The following KLHL1 variants were observed in gnomAD, a reference collection of about 807,000 sequenced individuals.
The protein encoded by KLHL1 is kelch like family member 1, also known as kelch-like protein 1.
KLHL1 carries 47 observed loss-of-function variants against 77.7 expected under a neutral mutation model. The observed-to-expected ratio is 0.60, with a 90% CI of 0.48 to 0.77. The LOEUF (loss-of-function observed/expected upper bound fraction) is 0.77, where lower values mean the gene tolerates loss of function less well. Ranked by LOEUF, KLHL1 falls within the 30% of genes least tolerant of loss-of-function variation. The pLI is 0.00. For missense variants in KLHL1, 925 were observed against 910.8 expected, an observed-to-expected ratio of 1.02 and a Z score of -0.20; for synonymous variants, 360 against 325.2, an observed-to-expected ratio of 1.11 and a Z score of -1.15.
Position 69,988,546 on chromosome 13 carries a change from G to T in KLHL1, c.498-12744C>A, listed in dbSNP as rs761273697. On this transcript the variant is annotated intron_variant, in intron 1 of 10. Transcript: ENST00000377844. ...TTGAGGAATCACCACACTGTCTTCC[G>T]CAACAGATGAAGTAATTTACACTCT... Among the ~76,000 whole-genome samples, 45 of 151,976 alleles carry T rather than the reference G, an allele frequency of 3.0e-4. 1 individual carries two copies. Among genetic ancestry groups the T allele is most frequent in the Non-Finnish European group, 5.9e-4 (40 of 67,974 alleles).
At chr13:69,935,222 T>TACATAGTTCACCCACTGGTGAACTTGGC (rs1883145310) in intron 4 of KLHL1, among the ~76,000 whole-genome samples, 1 of 149,892 alleles carries the variant, frequency 6.7e-6, no homozygotes, top group African/African-American at 2.5e-5. Context: ...GTGAACTTGG[T>TACATAGTTCACCCACTGGTGAACTTGGC]ACATAGTTCA....
intron 7 of KLHL1, 101 bp from the exon 8 acceptor site, chr13:69,740,657 AT>A: frequency 1.3e-6 from 1 of 781,984 alleles, no homozygotes; most frequent in Non-Finnish European, 1.9e-6. Flanking sequence ...TGTCCCTAAC[AT>A]AATAAAATGA....
intron 6 of KLHL1, among the ~76,000 whole-genome samples, chr13:69,830,726 A>T (rs1360516612): frequency 1.3e-5 from 2 of 150,122 alleles, no homozygotes; most frequent in Non-Finnish European, 3.0e-5. Flanking sequence ...AAATTTAAGA[A>T]AACTGAAATT....
At chr13:69,717,897 T>C (rs996232378) in intron 9 of KLHL1, among the ~76,000 whole-genome samples, 1 of 152,098 alleles carries the variant, frequency 6.6e-6, no homozygotes, top group African/African-American at 2.4e-5. Context: ...AAAGTGAAAA[T>C]GCAGCGAACT....
chr13:70,070,427 T>G (rs1189448730), intron 1 of KLHL1, among the ~76,000 whole-genome samples: 1 of 151,536 alleles, frequency 6.6e-6, no homozygotes, highest in Non-Finnish European at 1.5e-5. Flanking sequence ...TCAGAAACCA[T>G]GCAGGCAAAA....
At chr13:69,742,910 T>A (rs1038140994) in intron 7 of KLHL1, among the ~76,000 whole-genome samples, 2 of 152,142 alleles carry the variant, frequency 1.3e-5, no homozygotes, top group African/African-American at 4.8e-5. Flanking sequence ...CAAAAGGATA[T>A]GATATATCTC....
intron 5 of KLHL1, among the ~76,000 whole-genome samples, chr13:69,848,253 G>A (rs1031277974): frequency 1.3e-5 from 2 of 151,488 alleles, no homozygotes; most frequent in East Asian, 2.0e-4. Flanking sequence ...AAACTTGGCA[G>A]TATGAGACAG....
At chr13:69,829,201 C>A (rs1878664884) in intron 6 of KLHL1, among the ~76,000 whole-genome samples, 1 of 150,142 alleles carries the variant, frequency 6.7e-6, no homozygotes, top group Non-Finnish European at 1.5e-5. Flanking sequence ...ACACAATTCA[C>A]TTCACTCCCC....
intron 1 of KLHL1, among the ~76,000 whole-genome samples, chr13:70,003,835 C>CGATAT (rs934511763): frequency 6.6e-5 from 10 of 151,106 alleles, no homozygotes; most frequent in African/African-American, 2.4e-4. Context: ...GTAGACAGGG[C>CGATAT]GATATATTAC....
At chr13:70,083,551 T>G (rs1887444833) in intron 1 of KLHL1, among the ~76,000 whole-genome samples, 1 of 152,198 alleles carries the variant, frequency 6.6e-6, no homozygotes. Context: ...AGATTAACTC[T>G]GTGCAAATCG....
chr13:69,788,733 A>G (rs1437044212), intron 7 of KLHL1, among the ~76,000 whole-genome samples: 1 of 152,138 alleles, frequency 6.6e-6, no homozygotes, highest in African/African-American at 2.4e-5. Flanking sequence ...GACAGTGTAT[A>G]AATAATATTA....
intron 1 of KLHL1, among the ~76,000 whole-genome samples, chr13:69,984,784 C>T (rs1206431048): frequency 6.6e-6 from 1 of 152,122 alleles, no homozygotes; most frequent in African/African-American, 2.4e-5. Flanking sequence ...TTACCCCAAA[C>T]AATGCCACTT....
intron 7 of KLHL1, among the ~76,000 whole-genome samples, chr13:69,742,754 C>G (rs993862414): frequency 2.6e-5 from 4 of 152,148 alleles, no homozygotes; most frequent in Non-Finnish European, 4.4e-5. Context: ...TTACACAACT[C>G]TATTCATATG....
chr13:70,008,578 T>A (rs1885459353), intron 1 of KLHL1, among the ~76,000 whole-genome samples: 1 of 152,118 alleles, frequency 6.6e-6, no homozygotes, highest in African/African-American at 2.4e-5. Context: ...TTTATCTTAG[T>A]ATCTCTCCTA....
chr13:69,743,019 G>T (rs1414758311), intron 7 of KLHL1, among the ~76,000 whole-genome samples: 1 of 152,142 alleles, frequency 6.6e-6, no homozygotes, highest in Non-Finnish European at 1.5e-5. Context: ...TTTTCAAAGA[G>T]ATCCTGAAAT....
intron 5 of KLHL1, among the ~76,000 whole-genome samples, chr13:69,873,070 G>A (rs985200855): frequency 1.5e-4 from 23 of 152,076 alleles, no homozygotes; most frequent in Non-Finnish European, 2.9e-4. Flanking sequence ...TACTCATATA[G>A]TGTTATTGTC....
At position 69,885,566 on chromosome 13, in the gene KLHL1, T is replaced by C. The variant is rs1481276404; in HGVS notation, c.1015-3071A>G. ...GAAATTAGTTGTTTTAACATCATTA[T>C]GTGTTATTGCTAAAAGAGAAAATAT... On this transcript the variant is annotated intron_variant, in intron 4 of 10. Coordinates refer to ENST00000377844, the MANE Select transcript of KLHL1 (RefSeq NM_020866.3). Among the ~76,000 whole-genome samples, 4 of 152,222 alleles carry C rather than the reference T, an allele frequency of 2.6e-5. No individual in the cohort carries two copies. The East Asian group carries it at 5.8e-4, about 22-fold the overall frequency.
chr13:69,842,401 T>A (rs12861097), intron 5 of KLHL1, among the ~76,000 whole-genome samples: 45,304 of 151,730 alleles, frequency 0.3, 9,476 homozygotes, highest in African/African-American at 0.59. Flanking sequence ...GGTATTTCTC[T>A]AAAGAAAACA....
intron 7 of KLHL1, 85 bp from the exon 8 acceptor site, chr13:69,740,641 G>T: frequency 1.1e-6 from 1 of 928,120 alleles, no homozygotes; most frequent in Non-Finnish European, 1.6e-6. Context: ...TAGATCTCAT[G>T]TTAAGTGTCC....
Sources: gnomAD v4.1 joint callset for allele counts (sites outside exome capture counted in the v4.1 genomes callset) on GRCh38, gnomAD v4.1.1 for gene constraint, MANE v1.5 for transcripts, NCBI Gene and HGNC (gene_info 2026-07-23, HGNC 2026-07-21) for gene names.